The following CDH12 variants were observed in gnomAD, a reference collection of about 807,000 sequenced individuals.
The protein encoded by CDH12 is cadherin 12.
In CDH12, 41 loss-of-function variants were observed where a neutral mutation model predicts 74.1. The observed-to-expected ratio is 0.55, with a 90% CI of 0.43 to 0.72. The LOEUF is 0.72. Ranked by LOEUF, CDH12 falls within the 30% of genes least tolerant of loss-of-function variation. The probability of loss-of-function intolerance (pLI) is 0.00; values close to 1 mark genes in which losing one functional copy is unlikely to be tolerated. For synonymous variants in CDH12, 399 were observed against 355.0 expected (o/e 1.12, Z -1.39); for missense variants, 945 against 977.2 (o/e 0.97, Z 0.44).
At chr5:22,803,108 A>G (rs1748620260) in intron 1 of CDH12, among the ~76,000 whole-genome samples, 1 of 152,168 alleles carries the variant, frequency 6.6e-6, no homozygotes, top group Non-Finnish European at 1.5e-5. Context: ...CAATGGGAAC[A>G]TATTTGCTCT....
chr5:22,664,067 T>C (rs1740485217), intron 1 of CDH12, among the ~76,000 whole-genome samples: 1 of 152,212 alleles, frequency 6.6e-6, no homozygotes. Context: ...GTAAAAGATA[T>C]TTAAATATAA....
At chr5:22,624,353 C>A (rs1455849408) in intron 1 of CDH12, among the ~76,000 whole-genome samples, 1 of 152,080 alleles carries the variant, frequency 6.6e-6, no homozygotes, top group African/African-American at 2.4e-5. Context: ...GAAGAAACTA[C>A]CATCGGAGTG....
chr5:21,923,662 C>T (rs1182876705), intron 6 of CDH12, among the ~76,000 whole-genome samples: 1 of 152,106 alleles, frequency 6.6e-6, no homozygotes, highest in South Asian at 2.1e-4. Context: ...TCTAGCATAT[C>T]CATGCCTATA....
At chr5:21,913,161 T>G (rs1182810604) in intron 6 of CDH12, among the ~76,000 whole-genome samples, 7 of 152,156 alleles carry the variant, frequency 4.6e-5, no homozygotes, top group Admixed American at 4.6e-4. Context: ...GTTTCTATGA[T>G]TCATCTTAGG....
At chr5:22,722,823 A>C in intron 1 of CDH12, among the ~76,000 whole-genome samples, 1 of 152,304 alleles carries the variant, frequency 6.6e-6, no homozygotes, top group Admixed American at 6.5e-5. Context: ...GAAAACTCTA[A>C]AATTGGTGCT....
intron 2 of CDH12, among the ~76,000 whole-genome samples, chr5:22,436,594 C>T (rs1317537997): frequency 2.0e-5 from 3 of 151,902 alleles, no homozygotes; most frequent in Non-Finnish European, 4.4e-5. Flanking sequence ...CTGCAAATCC[C>T]CTGTCTTGAG....
intron 1 of CDH12, among the ~76,000 whole-genome samples, chr5:22,751,191 G>T (rs767329046): frequency 2.6e-5 from 4 of 151,526 alleles, no homozygotes; most frequent in Non-Finnish European, 4.4e-5. Context: ...CCTTAAAGAG[G>T]CGGCAAGATA....
At chr5:22,488,143 C>A (rs1279783090) in intron 2 of CDH12, among the ~76,000 whole-genome samples, 8 of 152,174 alleles carry the variant, frequency 5.3e-5, no homozygotes, top group Non-Finnish European at 1.2e-4. Flanking sequence ...TGACACACCT[C>A]ATACAGAAAA....
intron 3 of CDH12, among the ~76,000 whole-genome samples, chr5:22,237,058 TA>T (rs1752584930): frequency 6.6e-6 from 1 of 152,122 alleles, no homozygotes; most frequent in African/African-American, 2.4e-5. Context: ...TTATTATCCT[TA>T]TTAAGTATTA....
intron 1 of CDH12, among the ~76,000 whole-genome samples, chr5:22,818,474 C>G (rs1231961413): frequency 6.6e-6 from 1 of 152,020 alleles, no homozygotes. Context: ...CTTATTTTCC[C>G]TAGGTTTTAT....
intron 5 of CDH12, among the ~76,000 whole-genome samples, chr5:22,032,671 G>C (rs1385254081): frequency 6.7e-6 from 1 of 148,792 alleles, no homozygotes; most frequent in Non-Finnish European, 1.5e-5. Context: ...TCGTGCCACT[G>C]TACTCCAGCC....
chr5:22,749,264 T>C (rs1745443995), intron 1 of CDH12, among the ~76,000 whole-genome samples: 1 of 152,192 alleles, frequency 6.6e-6, no homozygotes, highest in South Asian at 2.1e-4. Context: ...GAGAGACCTG[T>C]CTGAAGCGCA....
intron 1 of CDH12, among the ~76,000 whole-genome samples, chr5:22,641,807 C>A (rs532166449): frequency 6.6e-6 from 1 of 152,126 alleles, no homozygotes; most frequent in East Asian, 1.9e-4. Flanking sequence ...AAATATAATC[C>A]CTGGAGAGGG....
intron 1 of CDH12, among the ~76,000 whole-genome samples, chr5:22,829,774 T>C (rs1412256943): frequency 6.6e-6 from 1 of 152,168 alleles, no homozygotes; most frequent in Non-Finnish European, 1.5e-5. Context: ...GACCAGAGCC[T>C]GAGACAAAGT....
chr5:21,992,607 T>C (rs948039437), intron 5 of CDH12, among the ~76,000 whole-genome samples: 10 of 152,168 alleles, frequency 6.6e-5, no homozygotes, highest in African/African-American at 2.4e-4. Context: ...ATGAATGTTA[T>C]TGACCATAGA....
intron 3 of CDH12, among the ~76,000 whole-genome samples, chr5:22,377,561 T>C (rs541670047): frequency 1.3e-5 from 2 of 152,282 alleles, no homozygotes; most frequent in East Asian, 1.9e-4. Context: ...CCTGTTGAAC[T>C]AAGTGTTTCA....
chr5:22,263,595 T>C (rs931038880), intron 3 of CDH12, among the ~76,000 whole-genome samples: 5 of 152,128 alleles, frequency 3.3e-5, no homozygotes, highest in African/African-American at 1.2e-4. Flanking sequence ...GGTGTATGCA[T>C]CTATGTTTTT....
chr5:21,995,199 G>A (rs1271324442), intron 5 of CDH12, among the ~76,000 whole-genome samples: 4 of 151,696 alleles, frequency 2.6e-5, no homozygotes, highest in African/African-American at 4.8e-5. Flanking sequence ...TGAAGTCAGC[G>A]AGACCAAGAA....
intron 3 of CDH12, among the ~76,000 whole-genome samples, chr5:22,244,795 AGAAAG>A (rs1418713161): frequency 9.4e-6 from 1 of 106,506 alleles, no homozygotes; most frequent in Non-Finnish European, 2.3e-5. Context: ...AAAGAAAGAA[AGAAAG>A]AAAAATTCAA....
Sources: allele counts gnomAD v4.1 joint callset (sites outside exome capture counted in the v4.1 genomes callset), GRCh38; gene constraint gnomAD v4.1.1; transcripts MANE v1.5; gene names NCBI Gene and HGNC (gene_info 2026-07-23, HGNC 2026-07-21).